The following FMN2 variants were observed in gnomAD, a reference collection of about 807,000 sequenced individuals.
The protein encoded by FMN2 is formin 2.
A neutral mutation model predicts 142.3 loss-of-function variants in FMN2; 51 were observed. That is an observed-to-expected ratio of 0.36 (90% CI 0.29 to 0.45). The LOEUF is 0.45. FMN2 is among the 20% of genes least tolerant of loss of function. The pLI, the probability that FMN2 is intolerant of heterozygous loss-of-function variation, is 1.00. For synonymous variants in FMN2, 882 were observed against 869.8 expected (o/e 1.01, Z -0.25); for missense variants, 1,936 against 2,122.8 (o/e 0.91, Z 1.73).
chr1:240,192,734 G>C (rs2103355753), intron 4 of FMN2, among the ~76,000 whole-genome samples: 1 of 152,206 alleles, frequency 6.6e-6, no homozygotes, highest in Non-Finnish European at 1.5e-5. Context: ...AGCGAGAGAT[G>C]GTTAGGAAGG....
intron 7 of FMN2, among the ~76,000 whole-genome samples, chr1:240,265,253 A>T (rs566480414): frequency 6.6e-6 from 1 of 152,152 alleles, no homozygotes; most frequent in Non-Finnish European, 1.5e-5. Flanking sequence ...TGACTATGAA[A>T]TTTTTTCACA....
intron 8 of FMN2, among the ~76,000 whole-genome samples, chr1:240,300,510 C>A (rs1200669263): frequency 6.6e-6 from 1 of 152,112 alleles, no homozygotes; most frequent in African/African-American, 2.4e-5. Context: ...AATCTTTGTA[C>A]CCCCCTCTGA....
intron 2 of FMN2, among the ~76,000 whole-genome samples, chr1:240,168,694 A>T (rs955018850): frequency 2.6e-5 from 4 of 152,198 alleles, no homozygotes; most frequent in Non-Finnish European, 5.9e-5. Flanking sequence ...GGAAAAAAAG[A>T]TATAGTAAGA....
intron 4 of FMN2, among the ~76,000 whole-genome samples, chr1:240,199,001 AG>A (rs1666031126): frequency 6.6e-6 from 1 of 152,144 alleles, no homozygotes; most frequent in African/African-American, 2.4e-5. Context: ...GCTACTCGGG[AG>A]GCTGATGAGG....
At chr1:240,284,029 T>C (rs909390843) in intron 7 of FMN2, among the ~76,000 whole-genome samples, 5 of 152,128 alleles carry the variant, frequency 3.3e-5, no homozygotes, top group African/African-American at 1.2e-4. Flanking sequence ...GCTGGTACAG[T>C]AGCAGCAATT....
chr1:240,208,404 C>T lies in FMN2; in HGVS notation c.3592C>T (p.Pro1198Ser). 1.9e-6 allele frequency: 3 copies of T among 1,589,578 alleles called. No individual in the cohort carries two copies. The highest frequency in any genetic ancestry group is 2.6e-6 in the Non-Finnish European group (3 of 1,161,694). Residue 1198 changes from proline (P) to serine (S), a missense_variant, in exon 5 of 18, where the codon CCG (proline) becomes TCG (serine). This residue lies in a region of FMN2 where 259 missense variants were observed against 230.9 expected (regional missense o/e 1.12). Transcript: ENST00000319653. ...PPLPGVGIPP[P>S]PPLPGAGIPP... ...TCTACCTGGAGTGGGAATACCTCCTCCGCCCCCTCTACCTGGTGCTGGGAT... is the reference window on the plus strand; with the variant it reads ...TCTACCTGGAGTGGGAATACCTCCTTCGCCCCCTCTACCTGGTGCTGGGAT...
chr1:240,365,734 T>C (rs1672646789), intron 14 of FMN2, among the ~76,000 whole-genome samples: 1 of 152,220 alleles, frequency 6.6e-6, no homozygotes, highest in Non-Finnish European at 1.5e-5. Flanking sequence ...CTCATAACTT[T>C]GTCTTATGTG....
chr1:240,369,060 G>A (rs1375980866), intron 14 of FMN2, among the ~76,000 whole-genome samples: 1 of 151,994 alleles, frequency 6.6e-6, no homozygotes, highest in African/African-American at 2.4e-5. Flanking sequence ...CGCACCCTGT[G>A]TACTGCTGAA....
chr1:240,258,318 A>G (rs1668518642), intron 7 of FMN2, among the ~76,000 whole-genome samples: 1 of 152,202 alleles, frequency 6.6e-6, no homozygotes, highest in Non-Finnish European at 1.5e-5. Flanking sequence ...TGGGTGATAA[A>G]TAAGAGAAAT....
At chr1:240,198,208 A>G (rs1001941976) in intron 4 of FMN2, among the ~76,000 whole-genome samples, 5 of 152,218 alleles carry the variant, frequency 3.3e-5, no homozygotes, top group African/African-American at 7.2e-5. Context: ...TAGCTCAAAT[A>G]AGTAGAAAGA....
intron 15 of FMN2, among the ~76,000 whole-genome samples, chr1:240,434,528 T>G (rs1409541035): frequency 1.3e-4 from 5 of 37,082 alleles, no homozygotes; most frequent in South Asian, 1.0e-3. Context: ...ATTTGCTTGT[T>G]TTTTTTTGTT....
chr1:240,472,335 A>G (rs1275161531), intron 16 of FMN2, 37 bp from the exon 17 acceptor site: 3 of 1,492,448 alleles, frequency 2.0e-6, no homozygotes, highest in Admixed American at 1.8e-5. Context: ...TGATCTAAGT[A>G]GGTTTTGTTT....
At chr1:240,140,401 G>A (rs984410463) in intron 2 of FMN2, among the ~76,000 whole-genome samples, 3 of 152,014 alleles carry the variant, frequency 2.0e-5, no homozygotes, top group Admixed American at 2.0e-4. Context: ...TTTCTTCCTT[G>A]CTTTGAAGTT....
intron 15 of FMN2, among the ~76,000 whole-genome samples, chr1:240,433,301 C>T (rs78662789): frequency 6.6e-6 from 1 of 152,114 alleles, no homozygotes; most frequent in Non-Finnish European, 1.5e-5. Context: ...GTAGCTTTTT[C>T]CACTGCAGTA....
intron 8 of FMN2, among the ~76,000 whole-genome samples, chr1:240,309,610 A>G (rs1015148601): frequency 6.6e-6 from 1 of 152,058 alleles, no homozygotes; most frequent in African/African-American, 2.4e-5. Context: ...GTCATTATAC[A>G]CCCACACCGC....
At chr1:240,141,639 G>A (rs139290755) in intron 2 of FMN2, among the ~76,000 whole-genome samples, 1 of 152,122 alleles carries the variant, frequency 6.6e-6, no homozygotes, top group Non-Finnish European at 1.5e-5. Flanking sequence ...CGAAGTGCTG[G>A]GATTACAGGC....
chr1:240,232,788 A>G (rs1229095312), intron 6 of FMN2, among the ~76,000 whole-genome samples: 1 of 152,170 alleles, frequency 6.6e-6, no homozygotes, highest in Non-Finnish European at 1.5e-5. Context: ...ACCCTGTTTT[A>G]ATAACCACGG....
intron 14 of FMN2, among the ~76,000 whole-genome samples, chr1:240,373,606 T>A (rs1369611694): frequency 6.6e-6 from 1 of 152,308 alleles, no homozygotes; most frequent in Non-Finnish European, 1.5e-5. Flanking sequence ...AAGAAGCAAC[T>A]CCTCATCCGT....
intron 8 of FMN2, among the ~76,000 whole-genome samples, chr1:240,296,228 G>A (rs10926203): frequency 0.2 from 30,067 of 147,400 alleles, 3,372 homozygotes; most frequent in Admixed American, 0.32. Flanking sequence ...AGGTGGTAGA[G>A]AAAGGGAGTA....
Sources: allele counts gnomAD v4.1 joint callset (sites outside exome capture counted in the v4.1 genomes callset), GRCh38; gene constraint gnomAD v4.1.1; regional missense constraint gnomAD v4.1.1; transcripts MANE v1.5; gene names NCBI Gene and HGNC (gene_info 2026-07-23, HGNC 2026-07-21).